The following HIPK2 variants were observed in gnomAD, a reference collection of about 807,000 sequenced individuals.
The protein encoded by HIPK2 is homeodomain interacting protein kinase 2.
Under a neutral mutation model 113.7 loss-of-function variants are expected in HIPK2, and 27 were observed. The observed-to-expected ratio is 0.24, with a 90% CI of 0.17 to 0.33. The LOEUF is 0.33. HIPK2 is among the 10% of genes least tolerant of loss of function. HIPK2 has a pLI of 1.00. For missense variants in HIPK2, 1,257 were observed against 1,588.0 expected (o/e 0.79, Z 3.54); for synonymous variants, 631 against 642.2 (o/e 0.98, Z 0.26).
Position 139,768,320 on chromosome 7 carries a change from CCAGA to C in HIPK2, c.19+9281_19+9284del, listed in dbSNP as rs1796586654. 2.0e-5 allele frequency among the ~76,000 whole-genome samples: 3 copies of C among 152,110 alleles called. 1 individual carries two copies. The South Asian group carries it at 6.2e-4, about 32-fold the overall frequency. ...CTTCCCAGGCAGGTGGGGAGTAGCC[CCAGA>C]CAGAGACTACAACAGGACCCTATCT... On this transcript the variant is annotated intron_variant, in intron 1 of 14. Transcript: ENST00000406875.
chr7:139,663,767 A>G (rs945232421), intron 2 of HIPK2, among the ~76,000 whole-genome samples: 3 of 152,124 alleles, frequency 2.0e-5, no homozygotes, highest in African/African-American at 7.2e-5. Context: ...AGACTTTAGC[A>G]CTCTCCACAG....
In HIPK2 at chr7:139,567,300, G is replaced by A. The variant is rs1395011842; in HGVS notation, c.*5627C>T. 1 of 152,086 alleles carries A rather than the reference G, an allele frequency of 6.6e-6. No individual in the cohort carries two copies. The highest frequency in any genetic ancestry group is 1.9e-4 in the East Asian group (1 of 5,190). The allele number at this position is 152,086 out of a possible 1,614,324, so 9.4% of individuals were successfully genotyped here. A position where few individuals can be genotyped will look rare whatever the true frequency, so the allele number is the denominator to read the frequency against. ...GTGGCCTGGGATTAGTCAAGCCCAC[G>A]TATTGGTATGGCACCTTGTCTCCCG... On this transcript the variant is annotated 3_prime_UTR_variant, in exon 15 of 15. Transcript: ENST00000406875.
At chr7:139,600,964 C>T (rs1799404736) in intron 10 of HIPK2, among the ~76,000 whole-genome samples, 1 of 152,082 alleles carries the variant, frequency 6.6e-6, no homozygotes, top group Non-Finnish European at 1.5e-5. Flanking sequence ...ATTTACAGGC[C>T]AGGTATGGTG....
At chr7:139,592,040 G>C (rs1799043876) in intron 12 of HIPK2, among the ~76,000 whole-genome samples, 1 of 152,232 alleles carries the variant, frequency 6.6e-6, no homozygotes, top group Admixed American at 6.5e-5. Context: ...AGTAATTTGA[G>C]CTGCAGTTTA....
chr7:139,594,075 C>T (rs550343151), intron 12 of HIPK2, among the ~76,000 whole-genome samples: 3 of 152,254 alleles, frequency 2.0e-5, no homozygotes, highest in Admixed American at 6.5e-5. Flanking sequence ...ATCCTGTTCG[C>T]TTGCCTTGGA....
chr7:139,724,056 A>T (rs1454303302), intron 1 of HIPK2, among the ~76,000 whole-genome samples: 1 of 149,378 alleles, frequency 6.7e-6, no homozygotes, highest in African/African-American at 2.5e-5. Flanking sequence ...TAATTCTCAT[A>T]TTTAATGAAA....
chr7:139,667,971 T>C (rs1283581083), intron 2 of HIPK2, among the ~76,000 whole-genome samples: 1 of 151,238 alleles, frequency 6.6e-6, no homozygotes, highest in Non-Finnish European at 1.5e-5. Flanking sequence ...CTACTAAAAA[T>C]ACAAAAATTA....
At chr7:139,771,129 T>C (rs1796642233) in intron 1 of HIPK2, among the ~76,000 whole-genome samples, 2 of 152,130 alleles carry the variant, frequency 1.3e-5, no homozygotes, top group South Asian at 2.1e-4. Context: ...TCACTCACCT[T>C]GGAGAACCTA....
chr7:139,765,916 CTA>C (rs1259290600), intron 1 of HIPK2, among the ~76,000 whole-genome samples: 1 of 152,234 alleles, frequency 6.6e-6, no homozygotes, highest in Non-Finnish European at 1.5e-5. Context: ...CATGCCTAAC[CTA>C]TGTCCTACCA....
chr7:139,675,753 A>AC (rs1256660781), intron 2 of HIPK2, among the ~76,000 whole-genome samples: 1 of 152,038 alleles, frequency 6.6e-6, no homozygotes, highest in African/African-American at 2.4e-5. Context: ...TGTGAGGTGG[A>AC]CCCCCAATCT....
At position 139,657,269 on chromosome 7, in the gene HIPK2, C is replaced by T. The variant is rs149611499; in HGVS notation, c.1104-25544G>A. Reference sequence around the variant, plus strand: ...TGGACTGCACTGTGTCCACCTTGCACGCTGACCCTCCGTGGGAGGTACTAC... The same window carrying T: ...TGGACTGCACTGTGTCCACCTTGCATGCTGACCCTCCGTGGGAGGTACTAC... On this transcript the variant is annotated intron_variant, in intron 2 of 14. Coordinates refer to ENST00000406875, the MANE Select transcript of HIPK2 (RefSeq NM_022740.5). Among the ~76,000 whole-genome samples, 8 of 152,320 alleles carry T rather than the reference C, an allele frequency of 5.3e-5. No individual in the cohort carries two copies. The East Asian group carries it at 7.7e-4, about 15-fold the overall frequency.
chr7:139,603,100 T>C (rs1799493738), intron 10 of HIPK2, among the ~76,000 whole-genome samples: 1 of 151,978 alleles, frequency 6.6e-6, no homozygotes, highest in Non-Finnish European at 1.5e-5. Flanking sequence ...GAAGCTGCAG[T>C]AGGGGTCTGA....
chr7:139,728,843 T>C (rs1795672553), intron 1 of HIPK2, among the ~76,000 whole-genome samples: 1 of 152,370 alleles, frequency 6.6e-6, no homozygotes, highest in Admixed American at 6.5e-5. Flanking sequence ...GCTTTCTCTA[T>C]ATCTTACCTT....
chr7:139,763,299 A>G (rs1796498254), intron 1 of HIPK2, among the ~76,000 whole-genome samples: 1 of 152,172 alleles, frequency 6.6e-6, no homozygotes, highest in African/African-American at 2.4e-5. Context: ...ACTTAATATC[A>G]CTATGGGAAA....
intron 2 of HIPK2, among the ~76,000 whole-genome samples, chr7:139,700,835 A>T (rs1794686280): frequency 1.3e-5 from 2 of 152,006 alleles, no homozygotes; most frequent in African/African-American, 4.8e-5. Context: ...TCAAACCCAG[A>T]GCGGCCTCCT....
chr7:139,581,235 G>A (rs1036348329), intron 13 of HIPK2, among the ~76,000 whole-genome samples: 3 of 152,072 alleles, frequency 2.0e-5, no homozygotes, highest in Non-Finnish European at 4.4e-5. Flanking sequence ...AAAAAGCAAC[G>A]ACAAGTGTCT....
intron 14 of HIPK2, 50 bp downstream of exon 14, chr7:139,575,078 T>A (rs1482672059): frequency 1.3e-6 from 2 of 1,537,630 alleles, no homozygotes; most frequent in African/African-American, 1.4e-5. Context: ...AGCGGAAGGA[T>A]GAGGGGATGG....
At chr7:139,689,124 G>A (rs1794322343) in intron 2 of HIPK2, among the ~76,000 whole-genome samples, 1 of 152,198 alleles carries the variant, frequency 6.6e-6, no homozygotes, top group Admixed American at 6.5e-5. Flanking sequence ...CGCCCGATGA[G>A]TGCCACGTTT....
At chr7:139,652,278 T>C (rs1801490285) in intron 2 of HIPK2, among the ~76,000 whole-genome samples, 1 of 152,174 alleles carries the variant, frequency 6.6e-6, no homozygotes, top group Admixed American at 6.5e-5. Context: ...GGGCCTTGTG[T>C]TTGCATAAGA....
Sources: gnomAD v4.1 joint callset for allele counts (sites outside exome capture counted in the v4.1 genomes callset) on GRCh38, gnomAD v4.1.1 for gene constraint, MANE v1.5 for transcripts, NCBI Gene and HGNC (gene_info 2026-07-23, HGNC 2026-07-21) for gene names.